The following GC variants were observed in gnomAD, a reference collection of about 807,000 sequenced individuals.
GC encodes vitamin D-binding protein.
Under a neutral mutation model 56.7 loss-of-function variants are expected in GC, and 43 were observed. That is an observed-to-expected ratio of 0.76 (90% CI 0.59 to 0.98). The LOEUF is 0.98. GC is among the 50% of genes least tolerant of loss of function. The probability of loss-of-function intolerance (pLI) is 0.00; values close to 1 mark genes in which losing one functional copy is unlikely to be tolerated. For synonymous variants in GC, 216 were observed against 202.7 expected (o/e 1.07, Z -0.56); for missense variants, 529 against 545.9 (o/e 0.97, Z 0.31).
At chr4:71,784,660 C>T (rs1017325934), upstream of GC, among the ~76,000 whole-genome samples, 1 of 151,652 alleles carries the variant, frequency 6.6e-6, no homozygotes, top group African/African-American at 2.4e-5. Flanking sequence ...TGCTGTATTG[C>T]ACTTTGTGAA....
intron 1 of GC, among the ~76,000 whole-genome samples, chr4:71,798,947 T>C (rs1743179784): frequency 6.6e-6 from 1 of 152,232 alleles, no homozygotes; most frequent in South Asian, 2.1e-4. Context: ...ATACAAAACA[T>C]TCACTCTTTT....
rs908844510 is a variant in GC at position 71,765,602 on chromosome 4, T to C, written c.303A>G (p.Pro101=). Residue 101 remains proline (P), a synonymous_variant, in exon 4 of 13, where the codon CCA becomes CCG. Coordinates refer to ENST00000273951, the MANE Select transcript of GC (RefSeq NM_000583.4). ...LSAKSCESNS[P]FPVHPGTAEC... ...CAGCAGTGCCTGGGTGAACGGGGAA[T>C]GGAGAATTACTTTCACAGGACTTGG... 2.5e-6 allele frequency: 4 copies of C among 1,613,536 alleles called. No homozygotes were observed. The highest frequency in any genetic ancestry group is 3.4e-6 in the Non-Finnish European group (4 of 1,179,686).
intron 1 of GC, among the ~76,000 whole-genome samples, chr4:71,779,484 G>A (rs1228025337): frequency 6.6e-6 from 1 of 151,758 alleles, no homozygotes; most frequent in African/African-American, 2.4e-5. Flanking sequence ...CTAATGCAAA[G>A]CCCTGGGGTG....
chr4:71,772,415 A>G (rs1277433384), intron 1 of GC, among the ~76,000 whole-genome samples: 1 of 152,160 alleles, frequency 6.6e-6, no homozygotes, highest in Admixed American at 6.6e-5. Context: ...ATTTTGAGAA[A>G]TATTTTGTTT....
At chr4:71,762,229 G>A (rs560236917) in intron 6 of GC, among the ~76,000 whole-genome samples, 52 of 152,310 alleles carry the variant, frequency 3.4e-4, no homozygotes, top group African/African-American at 1.0e-3. Context: ...AGTCAAAGGC[G>A]ATCATTTTGG....
chr4:71,743,940 T>C (rs1741266091), intron 12 of GC, among the ~76,000 whole-genome samples: 1 of 152,184 alleles, frequency 6.6e-6, no homozygotes, highest in African/African-American at 2.4e-5. Context: ...TGTATTTGGG[T>C]AGCCAAACAA....
chr4:71,782,322 G>A (rs564475762), intron 1 of GC, among the ~76,000 whole-genome samples: 5 of 151,908 alleles, frequency 3.3e-5, no homozygotes, highest in East Asian at 2.0e-4. Context: ...AACACAGCTA[G>A]CTTCTAAGTA....
intron 1 of GC, among the ~76,000 whole-genome samples, chr4:71,792,005 T>A (rs1742980855): frequency 6.6e-6 from 1 of 152,230 alleles, no homozygotes; most frequent in South Asian, 2.1e-4. Context: ...TCATCCTTTT[T>A]TATGGCTGCA....
chr4:71,766,672 A>G (rs1742168612), intron 3 of GC, among the ~76,000 whole-genome samples: 1 of 152,176 alleles, frequency 6.6e-6, no homozygotes, highest in Non-Finnish European at 1.5e-5. Flanking sequence ...TATGTAAACT[A>G]ACTTCTCACC....
intron 1 of GC, among the ~76,000 whole-genome samples, chr4:71,790,824 G>A (rs1262054972): frequency 6.6e-6 from 1 of 151,620 alleles, no homozygotes; most frequent in East Asian, 1.9e-4. Flanking sequence ...GTGCAGGTTA[G>A]TTACGTATGT....
chr4:71,752,705 T>A, intron 10 of GC, 55 bp from the exon 11 acceptor site: 1 of 1,444,466 alleles, frequency 6.9e-7, no homozygotes, highest in Non-Finnish European at 9.6e-7. Context: ...TTATACAAAT[T>A]TCTAATGCAA....
chr4:71,762,905 C>T (rs897383443), intron 6 of GC, among the ~76,000 whole-genome samples: 16 of 152,094 alleles, frequency 1.1e-4, no homozygotes, highest in South Asian at 2.1e-4. Flanking sequence ...TCTTTATCAG[C>T]GGAGTGAAAA....
intron 10 of GC, among the ~76,000 whole-genome samples, chr4:71,752,895 T>C (rs1475284739): frequency 6.6e-6 from 1 of 152,180 alleles, no homozygotes. Context: ...TCCAGTCTTC[T>C]TTCATTTGCT....
chr4:71,766,965 C>T (rs980884267), intron 3 of GC, among the ~76,000 whole-genome samples: 1 of 152,090 alleles, frequency 6.6e-6, no homozygotes, highest in Non-Finnish European at 1.5e-5. Context: ...AGAGACAGAT[C>T]ATATCTCTGA....
At chr4:71,748,280 A>G (rs1280838997) in intron 11 of GC, among the ~76,000 whole-genome samples, 1 of 152,170 alleles carries the variant, frequency 6.6e-6, no homozygotes, top group Non-Finnish European at 1.5e-5. Context: ...ATACTGAGAG[A>G]TAAAACAAAC....
intron 1 of GC, among the ~76,000 whole-genome samples, 194 bp downstream of exon 1, chr4:71,783,766 AT>A (rs944725343): frequency 1.6e-4 from 24 of 151,546 alleles, no homozygotes; most frequent in African/African-American, 5.8e-4. Flanking sequence ...TCTTGTGTTG[AT>A]TTTTTTTGTC....
At chr4:71,746,729 A>G (rs767921017) in intron 11 of GC, among the ~76,000 whole-genome samples, 21 of 146,124 alleles carry the variant, frequency 1.4e-4, no homozygotes, top group Non-Finnish European at 1.9e-4. Flanking sequence ...ATAGCAAGTC[A>G]CTACTTGGAG....
At chr4:71,767,606 C>T (rs899600919) in intron 3 of GC, among the ~76,000 whole-genome samples, 5 of 140,330 alleles carry the variant, frequency 3.6e-5, no homozygotes, top group Admixed American at 1.4e-4. Flanking sequence ...GGTTCATGAG[C>T]TGATATATAT....
intron 1 of GC, among the ~76,000 whole-genome samples, chr4:71,793,532 T>C (rs1259764974): frequency 6.6e-6 from 1 of 152,232 alleles, no homozygotes; most frequent in African/African-American, 2.4e-5. Context: ...CTGAAATTGC[T>C]TATCAGCTTC....
Sources: gnomAD v4.1 joint callset for allele counts (sites outside exome capture counted in the v4.1 genomes callset) on GRCh38, gnomAD v4.1.1 for gene constraint, MANE v1.5 for transcripts, NCBI Gene and HGNC (gene_info 2026-07-23, HGNC 2026-07-21) for gene names.